MACROD2: variants seen among roughly 807,000 people sequenced by gnomAD.
The protein encoded by MACROD2 is ADP-ribose glycohydrolase MACROD2.
MACROD2 carries 36 observed loss-of-function variants against 70.4 expected under a neutral mutation model. The ratio of observed to expected loss-of-function variants is 0.51; its 90% CI spans 0.39 to 0.68. The LOEUF (loss-of-function observed/expected upper bound fraction) is 0.68. MACROD2 is among the 30% of genes least tolerant of loss of function. The pLI is 0.00. For synonymous variants in MACROD2, 172 were observed against 178.8 expected, an observed-to-expected ratio of 0.96 and a Z score of 0.30; for missense variants, 496 against 538.4, an observed-to-expected ratio of 0.92 and a Z score of 0.78.
chr20:14,973,124 G>T (rs1317019870), intron 5 of MACROD2, among the ~76,000 whole-genome samples: 1 of 151,958 alleles, frequency 6.6e-6, no homozygotes, highest in East Asian at 1.9e-4. Flanking sequence ...TTAATTAAGG[G>T]CATGTGATTT....
intron 4 of MACROD2, among the ~76,000 whole-genome samples, chr20:14,569,961 TTTGG>T (rs1980078524): frequency 1.3e-5 from 2 of 152,056 alleles, no homozygotes; most frequent in South Asian, 4.1e-4. Context: ...CAGAAACATA[TTTGG>T]TAATAGAACT....
chr20:14,075,291 A>G (rs906228696), intron 2 of MACROD2, among the ~76,000 whole-genome samples: 5 of 152,214 alleles, frequency 3.3e-5, no homozygotes, highest in East Asian at 1.9e-4. Context: ...TACAGCCACT[A>G]TGAATGACAA....
chr20:15,172,548 G>A lies in MACROD2; in HGVS notation c.419-57392G>A, dbSNP rs937088778. On this transcript the variant is annotated intron_variant, in intron 5 of 17. Coordinates refer to ENST00000684519, the MANE Select transcript of MACROD2 (RefSeq NM_001351661.2). ...ACTATTGGCGCCTGCCACAATATTTGGCTACTGTTTTGTTTTTTTTTCTTT... is the reference window on the plus strand; with the variant it reads ...ACTATTGGCGCCTGCCACAATATTTAGCTACTGTTTTGTTTTTTTTTCTTT... Among the ~76,000 whole-genome samples the A allele has an allele frequency of 5.3e-5, 8 of 152,038 alleles. No homozygotes were observed. In the East Asian group the frequency reaches 1.4e-3, roughly 26 times the overall value.
chr20:15,849,760 T>C (rs1473562924), intron 8 of MACROD2, among the ~76,000 whole-genome samples: 1 of 152,178 alleles, frequency 6.6e-6, no homozygotes, highest in Non-Finnish European at 1.5e-5. Context: ...GAAGCAGAGC[T>C]TTCTGAGAAG....
At chr20:15,244,113 T>A (rs930301665) in intron 6 of MACROD2, among the ~76,000 whole-genome samples, 3 of 152,224 alleles carry the variant, frequency 2.0e-5, no homozygotes, top group African/African-American at 7.2e-5. Flanking sequence ...TATTTATGTC[T>A]ATTATATTTA....
intron 5 of MACROD2, among the ~76,000 whole-genome samples, chr20:14,832,246 G>C (rs546056871): frequency 5.3e-5 from 8 of 151,812 alleles, no homozygotes; most frequent in African/African-American, 1.4e-4. Flanking sequence ...GGGTTTCACT[G>C]TATTAGCCTC....
chr20:14,904,579 T>C (rs1406761996), intron 5 of MACROD2, among the ~76,000 whole-genome samples: 1 of 152,178 alleles, frequency 6.6e-6, no homozygotes, highest in Admixed American at 6.5e-5. Flanking sequence ...ACAGTGGAGA[T>C]AAACTCATAA....
chr20:15,939,244 G>A (rs1294880760), intron 12 of MACROD2, among the ~76,000 whole-genome samples: 1 of 152,202 alleles, frequency 6.6e-6, no homozygotes, highest in South Asian at 2.1e-4. Context: ...ATTGGATGAT[G>A]AGGCCATTTA....
At position 14,085,254 on chromosome 20, in the gene MACROD2, GTTC is replaced by G. The variant is rs895980361; in HGVS notation, c.164-361_164-359del. Among the ~76,000 whole-genome samples, 463 of 151,586 alleles carry G rather than the reference GTTC, an allele frequency of 3.1e-3. 5 individuals are homozygous for G. In the Middle Eastern group the frequency reaches 0.031, roughly 10 times the overall value. ...CTTATCAAGGATGCCTTTTAGGTAA[GTTC>G]TTCTTACCTAAGATTAAAGATTAAT... On this transcript the variant is annotated intron_variant, in intron 2 of 17. Transcript: ENST00000684519.
intron 6 of MACROD2, among the ~76,000 whole-genome samples, chr20:15,374,397 G>A (rs6079792): frequency 0.11 from 16,791 of 151,852 alleles, 1,168 homozygotes; most frequent in Non-Finnish European, 0.16. Context: ...GTGTGTATGT[G>A]TATATATAGT....
rs181957343 is a variant in MACROD2 at position 14,852,158 on chromosome 20, G to A, written c.418+167199G>A. 3.8e-3 allele frequency among the ~76,000 whole-genome samples: 584 copies of A among 152,204 alleles called. 17 individuals carry two copies. Among genetic ancestry groups the A allele is most frequent in the Admixed American group, 0.034 (521 of 15,288 alleles). On this transcript the variant is annotated intron_variant, in intron 5 of 17. Transcript: ENST00000684519. ...GGAGCAGGCGGGAGGAGGAAGCGCA[G>A]GAGCCAGCTAAGGAGACAGGGAAAG... is the stretch of plus-strand genomic sequence containing the variant.
At chr20:14,723,751 G>A (rs2071496714) in intron 5 of MACROD2, among the ~76,000 whole-genome samples, 1 of 151,450 alleles carries the variant, frequency 6.6e-6, no homozygotes, top group South Asian at 2.1e-4. Flanking sequence ...TATGTATCTG[G>A]TCATATCCCT....
At chr20:15,549,332 G>A (rs76318390) in intron 8 of MACROD2, among the ~76,000 whole-genome samples, 4,905 of 152,176 alleles carry the variant, frequency 0.032, 102 homozygotes, top group East Asian at 0.044. Context: ...TAGAAACTAT[G>A]GCTGTATGTC....
intron 8 of MACROD2, among the ~76,000 whole-genome samples, chr20:15,590,366 G>A (rs2048661102): frequency 6.6e-6 from 1 of 152,158 alleles, no homozygotes. Context: ...TCTTACAGTT[G>A]CACAGCAGTG....
At chr20:15,292,318 G>T (rs1270267669) in intron 6 of MACROD2, among the ~76,000 whole-genome samples, 1 of 152,136 alleles carries the variant, frequency 6.6e-6, no homozygotes, top group Non-Finnish European at 1.5e-5. Context: ...GATATTAATG[G>T]CCACTCATGC....
rs1396728950 is a variant in MACROD2, at chr20:14,581,596, C to T, written c.301+88088C>T. On this transcript the variant is annotated intron_variant, in intron 4 of 17. Coordinates refer to ENST00000684519, the MANE Select transcript of MACROD2 (RefSeq NM_001351661.2). The stretch of plus-strand genomic sequence containing the variant: ...TCATTTAGGATTTATATTACTTTTA[C>T]ATTATTTAAATATATAAAACTTAGT... Among the ~76,000 whole-genome samples, 2 of 152,176 alleles carry T rather than the reference C, an allele frequency of 1.3e-5. 1 individual carries two copies. The highest frequency in any genetic ancestry group is 1.3e-4 in the Admixed American group (2 of 15,270).
At chr20:15,412,509 G>C (rs918856317) in intron 6 of MACROD2, among the ~76,000 whole-genome samples, 5 of 152,180 alleles carry the variant, frequency 3.3e-5, no homozygotes, top group Admixed American at 3.3e-4. Context: ...CTTGTTTAAA[G>C]TGATTTCCAT....
intron 8 of MACROD2, among the ~76,000 whole-genome samples, chr20:15,659,311 T>C (rs2049781810): frequency 7.5e-6 from 1 of 132,606 alleles, no homozygotes; most frequent in African/African-American, 3.0e-5. Flanking sequence ...CAGCTTTTTT[T>C]TTTTTTTTTT....
intron 8 of MACROD2, among the ~76,000 whole-genome samples, chr20:15,770,688 C>T (rs6514613): frequency 1.3e-4 from 19 of 151,818 alleles, no homozygotes; most frequent in African/African-American, 3.9e-4. Flanking sequence ...TTTTAATTCA[C>T]GTGTGCTGGA....
Sources: gnomAD v4.1 joint callset for allele counts (sites outside exome capture counted in the v4.1 genomes callset) on GRCh38, gnomAD v4.1.1 for gene constraint, MANE v1.5 for transcripts, NCBI Gene and HGNC (gene_info 2026-07-23, HGNC 2026-07-21) for gene names.